The following FAT2 variants were observed in gnomAD, a reference collection of about 807,000 sequenced individuals.
FAT2 encodes FAT atypical cadherin 2.
FAT2 carries 150 observed loss-of-function variants against 295.3 expected under a neutral mutation model. The ratio of observed to expected loss-of-function variants is 0.51; its 90% CI spans 0.44 to 0.58. The LOEUF (loss-of-function observed/expected upper bound fraction) is 0.58. Among genes scored for constraint, FAT2 ranks in the 20% least tolerant of loss-of-function variants. The pLI is 0.00. For synonymous variants in FAT2, 2,026 were observed against 2,150.3 expected, an observed-to-expected ratio of 0.94 and a Z score of 1.60; for missense variants, 4,868 against 5,442.7, an observed-to-expected ratio of 0.89 and a Z score of 3.32.
At position 151,534,970 on chromosome 5, in the gene FAT2, AATATATATATAT is replaced by A. The variant is rs138459865; in HGVS notation, c.9194-340_9194-329del. On this transcript the variant is annotated intron_variant, in intron 12 of 23. Coordinates refer to ENST00000261800, the MANE Select transcript of FAT2 (RefSeq NM_001447.3). ...TGGTTCGTAATTCCACTTCTAGGAA[AATATATATATAT>A]ATATATATATATATGTATACATTTT... 6.6e-5 allele frequency among the ~76,000 whole-genome samples: 7 copies of A among 106,418 alleles called. 1 individual carries two copies. The East Asian group carries it at 1.3e-3, about 20-fold the overall frequency. The allele number at this position is 106,418 out of a possible 152,430, so 69.8% of individuals were successfully genotyped here. A position where few individuals can be genotyped will look rare whatever the true frequency, so the allele number is the denominator to read the frequency against.
chr5:151,541,107 A>G (rs935303580), intron 10 of FAT2, among the ~76,000 whole-genome samples: 5 of 152,368 alleles, frequency 3.3e-5, no homozygotes, highest in Admixed American at 6.5e-5. Flanking sequence ...ATGCATAGCT[A>G]TACAACAGTG....
intron 1 of FAT2, among the ~76,000 whole-genome samples, chr5:151,590,783 G>A (rs1759368060): frequency 6.6e-6 from 1 of 152,162 alleles, no homozygotes. Context: ...AAACTGCAGA[G>A]GAAATCTCCT....
At chr5:151,591,800 C>CT (rs964352968), upstream of FAT2, among the ~76,000 whole-genome samples, 190 of 152,234 alleles carry the variant, frequency 1.2e-3, 1 homozygote, top group African/African-American at 3.5e-3. Flanking sequence ...CCTCAGTTTC[C>CT]TTTTTTGAAA....
chr5:151,508,539 G>C lies in FAT2; in HGVS notation c.12060-928C>G, dbSNP rs184095963. 3.0e-3 allele frequency among the ~76,000 whole-genome samples: 450 copies of C among 152,088 alleles called. 3 individuals are homozygous for C. Among genetic ancestry groups the C allele is most frequent in the African/African-American group, 0.01 (428 of 41,490 alleles). ...AGACTGGCCAGTATGGTGAAACCCC[G>C]TATCTACTAAAAATACAAAAATTAG... On this transcript the variant is annotated intron_variant, in intron 22 of 23. Coordinates refer to ENST00000261800, the MANE Select transcript of FAT2 (RefSeq NM_001447.3).
rs751473006 is a variant in FAT2 at position 151,546,211 on chromosome 5, T to C, written c.4916A>G (p.Gln1639Arg). The C allele has an allele frequency of 1.2e-5, 19 of 1,613,990 alleles. No homozygotes were observed. Among genetic ancestry groups the C allele is most frequent in the Non-Finnish European group, 1.6e-5 (19 of 1,180,030 alleles). The change falls in exon 10 of 24, where the codon CAA becomes CGA. Residue 1639 changes from glutamine to arginine, a missense_variant. By Grantham distance (43) the Gln-to-Arg change is conservative. Around this residue, in one of 5 missense-constraint regions of FAT2, gnomAD observed 3,297 missense variants for 3,669.4 expected, o/e 0.90. Coordinates refer to ENST00000261800, the MANE Select transcript of FAT2 (RefSeq NM_001447.3). ...TVKAEDQGSPQWHDLATVIIH... is the reference protein window; with the variant it reads ...TVKAEDQGSPRWHDLATVIIH... ...GATCACTGTAGCCAGGTCATGCCATTGTGGGGAGCCTTGATCTTCTGCCTT... is the reference window on the plus strand; with the variant it reads ...GATCACTGTAGCCAGGTCATGCCATCGTGGGGAGCCTTGATCTTCTGCCTT...
intron 4 of FAT2, among the ~76,000 whole-genome samples, chr5:151,555,457 G>A (rs992368443): frequency 7.0e-6 from 1 of 142,906 alleles, no homozygotes. Flanking sequence ...TGCAACCTCC[G>A]TCTCCCAGGT....
At chr5:151,564,218 T>C (rs529605121) in intron 2 of FAT2, among the ~76,000 whole-genome samples, 10 of 152,344 alleles carry the variant, frequency 6.6e-5, no homozygotes, top group African/African-American at 1.9e-4. Context: ...AAAAGAAGCT[T>C]ACACCTGAAG....
At chr5:151,555,265 T>C (rs1347581307) in intron 4 of FAT2, among the ~76,000 whole-genome samples, 3 of 152,158 alleles carry the variant, frequency 2.0e-5, no homozygotes, top group Non-Finnish European at 4.4e-5. Context: ...AAAAACACTT[T>C]GGTGTTTAAA....
chr5:151,530,611 A>G (rs1166800742), intron 14 of FAT2, among the ~76,000 whole-genome samples: 1 of 152,254 alleles, frequency 6.6e-6, no homozygotes. Flanking sequence ...CTAACAAACC[A>G]GTTTCGAAAA....
chr5:151,535,888 T>A (rs1251293413), intron 12 of FAT2, among the ~76,000 whole-genome samples: 1 of 152,166 alleles, frequency 6.6e-6, no homozygotes, highest in African/African-American at 2.4e-5. Context: ...GTCACAGAAG[T>A]CTTCTTTGCT....
Position 151,507,482 on chromosome 5 carries a change from A to G in FAT2, c.12189T>C (p.Thr4063=), listed in dbSNP as rs1429925845. Residue 4063 remains threonine, a synonymous_variant, in exon 23 of 24, where the codon ACT becomes ACC. Transcript: ENST00000261800. ...TVAVAFIIIS[T]VGLLFYCRRC... ...GGCGGCAGTAGAAGAGAAGCCCGAC[A>G]GTGCTTATGATAATGAACGCCACGG... is the stretch of plus-strand genomic sequence containing the variant. 1 of 1,614,156 alleles carries G rather than the reference A, an allele frequency of 6.2e-7. No individual in the cohort carries two copies. Among genetic ancestry groups the G allele is most frequent in the Non-Finnish European group, 8.5e-7 (1 of 1,180,022 alleles).
intron 21 of FAT2, 196 bp downstream of exon 21, chr5:151,511,969 T>A: frequency 1.7e-6 from 1 of 592,998 alleles, no homozygotes; most frequent in Non-Finnish European, 3.0e-6. Context: ...AAAGATAGTT[T>A]TTGTTGAGAG....
intron 1 of FAT2, among the ~76,000 whole-genome samples, chr5:151,573,069 T>C (rs1345002255): frequency 6.6e-6 from 1 of 152,202 alleles, no homozygotes; most frequent in Non-Finnish European, 1.5e-5. Context: ...CCTTTTAGGA[T>C]ATATGTATGA....
At chr5:151,524,730 G>C (rs1753818504) in intron 18 of FAT2, among the ~76,000 whole-genome samples, 1 of 152,060 alleles carries the variant, frequency 6.6e-6, no homozygotes, top group South Asian at 2.1e-4. Flanking sequence ...TCCCACCCCT[G>C]CTCATGATGT....
In FAT2 at chr5:151,546,232, G is replaced by T. The variant is rs755766138; in HGVS notation, c.4895C>A (p.Ala1632Glu). 1.6e-4 allele frequency: 256 copies of T among 1,614,038 alleles called. No homozygotes were observed. The highest frequency in any genetic ancestry group is 2.1e-4 in the Non-Finnish European group (249 of 1,180,034). ...CCATTGTGGGGAGCCTTGATCTTCT[G>T]CCTTCACTGTCAGAGTATGTGGGGC... ...NHAPHTLTVK[A>E]EDQGSPQWHD... Residue 1632 changes from alanine (A) to glutamate (E), a missense_variant, in exon 10 of 24, where the codon GCA becomes GAA. Ala to Glu is a moderately radical substitution (Grantham distance 107). Transcript: ENST00000261800.
rs1352153759 is a variant in FAT2, at chr5:151,531,533, G to C, written c.9811+54C>G. On this transcript the variant is annotated intron_variant, in intron 14 of 23. Transcript: ENST00000261800. This position sits in a 1 kb window ranked among gnomAD's most constrained non-coding sequence, Gnocchi z 5.7. ...TACCCACACAGGGGAGGAACCCAGC[G>C]CTCCCAGAAACCCTGTACGCGATGC... 1.2e-6 allele frequency: 2 copies of C among 1,601,372 alleles called. No homozygotes were observed. The highest frequency in any genetic ancestry group is 1.7e-5 in the Admixed American group (1 of 59,366).
Position 151,522,051 on chromosome 5 carries a change from C to A in FAT2, c.10542G>T (p.Leu3514Phe). 6.2e-7 allele frequency: 1 copy of A among 1,604,518 alleles called. No homozygotes were observed. Among genetic ancestry groups the A allele is most frequent in the Non-Finnish European group, 8.5e-7 (1 of 1,172,446 alleles). Residue 3514 changes from leucine to phenylalanine, a missense_variant, in exon 19 of 24, where the codon TTG (leucine) becomes TTT (phenylalanine). By Grantham distance (22) the Leu-to-Phe change is conservative. Coordinates refer to ENST00000261800, the MANE Select transcript of FAT2 (RefSeq NM_001447.3). ...CTGTGACATGGACACGGACAGACGT[C>A]AAAGACGAGAGGGGAGGGATGCCAC... ...SDSGIPPLSS[L>F]TSVRVHVTEQ...
Position 151,543,348 on chromosome 5 carries a change from G to T in FAT2, c.7779C>A (p.Ser2593=). ...PQFKASEYTV[S]IQSNVSKDSP... is the part of the protein sequence containing the mutation. ...AGTCTTTACTGACATTGGATTGAAT[G>T]GATACTGTGTACTCAGATGCTTTGA... The change falls in exon 10 of 24, where the codon TCC becomes TCA. Residue 2593 remains serine, a synonymous_variant. Transcript: ENST00000261800. The T allele has an allele frequency of 6.2e-7, 1 of 1,614,170 alleles. No homozygotes were observed.
At chr5:151,523,632 C>T (rs548421761) in intron 18 of FAT2, among the ~76,000 whole-genome samples, 5 of 152,284 alleles carry the variant, frequency 3.3e-5, no homozygotes, top group Non-Finnish European at 7.4e-5. Flanking sequence ...CTAGGCAGGA[C>T]GTGTGCCTGG....
Sources: allele counts gnomAD v4.1 joint callset (sites outside exome capture counted in the v4.1 genomes callset), GRCh38; gene constraint gnomAD v4.1.1; regional missense constraint gnomAD v4.1.1; non-coding constraint Gnocchi (gnomAD v3.1); transcripts MANE v1.5; gene names NCBI Gene and HGNC (gene_info 2026-07-23, HGNC 2026-07-21).